Variants in SMAD1 observed in about 807,000 individuals in gnomAD.
SMAD1 encodes SMAD family member 1.
A neutral mutation model predicts 41.6 loss-of-function variants in SMAD1; 6 were observed. The observed-to-expected ratio is 0.14, with a 90% CI of 0.08 to 0.28. SMAD1 has a LOEUF of 0.28. Among genes scored for constraint, SMAD1 ranks in the 10% least tolerant of loss-of-function variants. The pLI is 1.00. For missense variants in SMAD1, 379 were observed against 582.6 expected (o/e 0.65, Z 3.60); for synonymous variants, 206 against 203.2 (o/e 1.01, Z -0.12).
At chr4:145,536,933 C>G (rs1357844677) in intron 2 of SMAD1, among the ~76,000 whole-genome samples, 3 of 151,856 alleles carry the variant, frequency 2.0e-5, no homozygotes, top group Non-Finnish European at 4.4e-5. Context: ...TCTAGTAGTC[C>G]AACCAAAAAT....
chr4:145,500,292 C>A (rs1045167968), intron 1 of SMAD1, among the ~76,000 whole-genome samples: 1 of 152,074 alleles, frequency 6.6e-6, no homozygotes, highest in Non-Finnish European at 1.5e-5. Context: ...CCCAGTGTTT[C>A]CATCTCAATT....
intron 3 of SMAD1, among the ~76,000 whole-genome samples, 178 bp downstream of exon 3, chr4:145,540,239 CA>C (rs1227318215): frequency 6.6e-6 from 1 of 152,206 alleles, no homozygotes; most frequent in Non-Finnish European, 1.5e-5. Context: ...GTCAAGTAAG[CA>C]AATGTCTTAT....
intron 2 of SMAD1, chr4:145,525,799 A>G (rs1249288979): frequency 6.6e-6 from 1 of 152,234 alleles, no homozygotes; most frequent in East Asian, 1.9e-4. Flanking sequence ...GCTCCACATA[A>G]AACTATGTAA....
chr4:145,555,810 T>C (rs576668557), intron 6 of SMAD1, among the ~76,000 whole-genome samples: 1 of 152,294 alleles, frequency 6.6e-6, no homozygotes, highest in South Asian at 2.1e-4. Flanking sequence ...AAGTCTCTTA[T>C]CATCAAGATC....
Position 145,514,222 on chromosome 4 carries a change from TACTTA to T in SMAD1, c.-176-211_-176-207del, listed in dbSNP as rs111844630. Among the ~76,000 whole-genome samples the T allele has an allele frequency of 0.13, 19,515 of 151,972 alleles. 2,472 individuals carry two copies. The highest frequency in any genetic ancestry group is 0.32 in the African/African-American group (13,232 of 41,320). The stretch of plus-strand genomic sequence containing the variant: ...GGTTAGGGCCCCACCCTGATGACCT[TACTTA>T]ACTTTAATTACTTTCTTAGAGGCTC... On this transcript the variant is annotated intron_variant, in intron 1 of 6. Transcript: ENST00000302085. The surrounding 1 kb of genome is among the most constrained non-coding windows in gnomAD (Gnocchi z 4.7).
intron 2 of SMAD1, among the ~76,000 whole-genome samples, chr4:145,526,058 C>T (rs572611104): frequency 1.3e-5 from 2 of 152,318 alleles, no homozygotes; most frequent in South Asian, 2.1e-4. Context: ...GTTCTTTATT[C>T]TTTCGCATGA....
intron 2 of SMAD1, among the ~76,000 whole-genome samples, chr4:145,519,444 TA>T (rs1730612541): frequency 6.6e-6 from 1 of 151,776 alleles, no homozygotes; most frequent in Admixed American, 6.6e-5. Flanking sequence ...TGAGTACATT[TA>T]AAATCCACCC....
chr4:145,496,281 G>T (rs964937235), intron 1 of SMAD1, among the ~76,000 whole-genome samples: 1 of 152,146 alleles, frequency 6.6e-6, no homozygotes, highest in Admixed American at 6.5e-5. Context: ...CCAAGGGGGG[G>T]ACTACTGTGG....
intron 1 of SMAD1, among the ~76,000 whole-genome samples, chr4:145,509,904 T>C (rs940065464): frequency 6.6e-6 from 1 of 152,168 alleles, no homozygotes; most frequent in African/African-American, 2.4e-5. Context: ...TATTTGGCTT[T>C]CTAAGTTCTT....
At chr4:145,496,960 T>C (rs1729113017) in intron 1 of SMAD1, 2 of 152,196 alleles carry the variant, frequency 1.3e-5, no homozygotes, top group South Asian at 4.1e-4. Context: ...TTATATGACA[T>C]AAAATGTTTG....
At chr4:145,493,762 G>T (rs1164786844) in intron 1 of SMAD1, among the ~76,000 whole-genome samples, 1 of 152,116 alleles carries the variant, frequency 6.6e-6, no homozygotes, top group Admixed American at 6.6e-5. Flanking sequence ...CATTCCTGCT[G>T]TGCATCCAGC....
In SMAD1 at chr4:145,487,828, G is replaced by A. The variant is rs546763170; in HGVS notation, c.-177+5790G>A. On this transcript the variant is annotated intron_variant, in intron 1 of 6. Transcript: ENST00000302085. ...TGCGGGCTGACTTGCAGAAATGAGCGGCTTCTCTAGAACATTCATTTGCAT... is the reference window on the plus strand; with the variant it reads ...TGCGGGCTGACTTGCAGAAATGAGCAGCTTCTCTAGAACATTCATTTGCAT... 1.4e-4 allele frequency among the ~76,000 whole-genome samples: 21 copies of A among 152,216 alleles called. No individual in the cohort carries two copies. The East Asian group carries it at 3.3e-3, about 24-fold the overall frequency.
chr4:145,507,725 ATC>A (rs1366459672), intron 1 of SMAD1, among the ~76,000 whole-genome samples: 5 of 151,762 alleles, frequency 3.3e-5, no homozygotes, highest in Non-Finnish European at 5.9e-5. Flanking sequence ...AGGGAAGGAA[ATC>A]TCTGTTTGCT....
At chr4:145,503,575 C>T (rs1444016209) in intron 1 of SMAD1, among the ~76,000 whole-genome samples, 5 of 152,160 alleles carry the variant, frequency 3.3e-5, no homozygotes, top group Non-Finnish European at 7.3e-5. Context: ...TGAGGGCTAA[C>T]TGCTGTTTTA....
At chr4:145,523,969 A>G (rs1465288369) in intron 2 of SMAD1, among the ~76,000 whole-genome samples, 1 of 152,084 alleles carries the variant, frequency 6.6e-6, no homozygotes, top group African/African-American at 2.4e-5. Context: ...GCGCAGTCAT[A>G]GCTCACTGCA....
intron 2 of SMAD1, among the ~76,000 whole-genome samples, chr4:145,527,322 C>T (rs2126468539): frequency 6.6e-6 from 1 of 151,210 alleles, no homozygotes; most frequent in East Asian, 2.0e-4. Flanking sequence ...CTCCCGGGTT[C>T]ACGCCATTCT....
intron 2 of SMAD1, among the ~76,000 whole-genome samples, chr4:145,522,361 G>A (rs142625072): frequency 0.01 from 1,539 of 152,252 alleles, 33 homozygotes; most frequent in African/African-American, 0.035. Flanking sequence ...CAGCACTGTG[G>A]GAGGCCAAGG....
At chr4:145,534,572 G>T (rs1731506665) in intron 2 of SMAD1, among the ~76,000 whole-genome samples, 1 of 152,158 alleles carries the variant, frequency 6.6e-6, no homozygotes, top group Non-Finnish European at 1.5e-5. Flanking sequence ...GCACAGACTA[G>T]AACAGGATGA....
intron 1 of SMAD1, among the ~76,000 whole-genome samples, chr4:145,488,272 T>C (rs1179307597): frequency 1.3e-5 from 2 of 152,168 alleles, no homozygotes; most frequent in Admixed American, 6.5e-5. Flanking sequence ...TAAATGAATA[T>C]TCACTAGGTC....
Sources: gnomAD v4.1 joint callset for allele counts (sites outside exome capture counted in the v4.1 genomes callset) on GRCh38, gnomAD v4.1.1 for gene constraint, Gnocchi (gnomAD v3.1) non-coding constraint, MANE v1.5 for transcripts, NCBI Gene and HGNC (gene_info 2026-07-23, HGNC 2026-07-21) for gene names.